Variants in PIGX observed in about 807,000 individuals in gnomAD.
The protein encoded by PIGX is GPI alpha-1,4-mannosyltransferase I, stabilizing subunit.
A neutral mutation model predicts 28.7 loss-of-function variants in PIGX; 24 were observed. The observed-to-expected ratio is 0.84, with a 90% confidence interval of 0.60 to 1.17. The LOEUF (loss-of-function observed/expected upper bound fraction) is 1.17. Among genes scored for constraint, PIGX ranks in the 50% most tolerant of loss-of-function variants. The probability of loss-of-function intolerance (pLI) is 0.00; values close to 1 mark genes in which losing one functional copy is unlikely to be tolerated. For missense variants in PIGX, 305 were observed against 317.8 expected (o/e 0.96, Z 0.31); for synonymous variants, 127 against 121.0 (o/e 1.05, Z -0.33).
At chr3:196,720,105 T>C (rs1331050904) in intron 2 of PIGX, among the ~76,000 whole-genome samples, 1 of 152,218 alleles carries the variant, frequency 6.6e-6, no homozygotes, top group African/African-American at 2.4e-5. Context: ...AAGTGTGCAA[T>C]TCAGTGGCAT....
At chr3:196,723,898 G>A (rs527608201) in intron 3 of PIGX, among the ~76,000 whole-genome samples, 4 of 151,880 alleles carry the variant, frequency 2.6e-5, no homozygotes, top group South Asian at 2.1e-4. Context: ...AAAAAGGTAT[G>A]CAATGATAAC....
Position 196,727,991 on chromosome 3 carries a change from C to T in PIGX, c.387C>T (p.Leu129=), listed in dbSNP as rs777754825. Residue 129 remains leucine, a synonymous_variant, in exon 4 of 6, where the codon CTC becomes CTT. Transcript: ENST00000392391. The stretch of plus-strand genomic sequence containing the variant: ...ATTTGTCCAAGGAGTCTGAAGTTCT[C>T]ATTTATGCCAGACGAGATTCACAGT... The T allele has an allele frequency of 1.9e-6, 3 of 1,614,002 alleles. No individual in the cohort carries two copies. Among genetic ancestry groups the T allele is most frequent in the African/African-American group, 1.3e-5 (1 of 74,916 alleles).
rs141069297 is a variant in PIGX at position 196,730,375 on chromosome 3, T to A, written c.533-617T>A. 2.4e-3 allele frequency among the ~76,000 whole-genome samples: 373 copies of A among 152,286 alleles called. 2 individuals are homozygous for A. The highest frequency in any genetic ancestry group is 8.5e-3 in the African/African-American group (355 of 41,562). ...GTTTTGCACTTACGATATGTTCACT[T>A]TTCTGAGTGATGCTTCAAAAATAAG... On this transcript the variant is annotated intron_variant, in intron 4 of 5. Coordinates refer to ENST00000392391, the MANE Select transcript of PIGX (RefSeq NM_017861.4).
chr3:196,724,331 T>G (rs1712441708), intron 3 of PIGX, among the ~76,000 whole-genome samples: 1 of 152,192 alleles, frequency 6.6e-6, no homozygotes, highest in African/African-American at 2.4e-5. Flanking sequence ...TTTCTTTTCT[T>G]CAATGAATTA....
chr3:196,732,253 TA>T lies in PIGX; in HGVS notation c.633+1162del, dbSNP rs1474711343. On this transcript the variant is annotated intron_variant, in intron 5 of 5. Coordinates refer to ENST00000392391, the MANE Select transcript of PIGX (RefSeq NM_017861.4). ...ATATATATATATATATATATATATA[TA>T]TATTTTATTTTATTTTATTTTTTTT... Among the ~76,000 whole-genome samples the T allele has an allele frequency of 2.6e-3, 83 of 32,250 alleles. 3 individuals are homozygous for T. The highest frequency in any genetic ancestry group is 0.01 in the African/African-American group (65 of 6,296). The allele number at this position is 32,250 out of a possible 152,430, so 21.2% of individuals were successfully genotyped here.
At chr3:196,723,622 T>TC (rs1712409631) in intron 3 of PIGX, among the ~76,000 whole-genome samples, 1 of 151,550 alleles carries the variant, frequency 6.6e-6, no homozygotes, top group South Asian at 2.1e-4. Flanking sequence ...ATTTCTTTTT[T>TC]TTTTTTTTTT....
At chr3:196,726,139 A>C (rs1712513426) in intron 3 of PIGX, among the ~76,000 whole-genome samples, 1 of 152,106 alleles carries the variant, frequency 6.6e-6, no homozygotes, top group South Asian at 2.1e-4. Context: ...AAAATACAAA[A>C]AATTAGCCAG....
intron 5 of PIGX, among the ~76,000 whole-genome samples, chr3:196,732,301 A>G (rs1177739309): frequency 1.2e-5 from 1 of 80,628 alleles, no homozygotes; most frequent in East Asian, 4.1e-4. Context: ...TTTTTTTTTG[A>G]GACGGAGTCT....
intron 3 of PIGX, among the ~76,000 whole-genome samples, chr3:196,724,672 A>T (rs1278901945): frequency 1.3e-5 from 2 of 152,116 alleles, no homozygotes; most frequent in African/African-American, 4.8e-5. Context: ...TTGTAAGTGT[A>T]TTTACTTCTT....
chr3:196,718,335 A>T (rs1408945229), intron 2 of PIGX, among the ~76,000 whole-genome samples: 2 of 151,978 alleles, frequency 1.3e-5, no homozygotes, highest in East Asian at 3.9e-4. Context: ...AAGGGGGGGA[A>T]GGGTATAGTT....
chr3:196,733,997 G>A lies in PIGX; in HGVS notation c.*95G>A. On this transcript the variant is annotated 3_prime_UTR_variant, in exon 6 of 6. Coordinates refer to ENST00000392391, the MANE Select transcript of PIGX (RefSeq NM_017861.4). This position sits in a 1 kb window ranked among gnomAD's most constrained non-coding sequence, Gnocchi z 4.3. ...CTAGAATTAATTACTTTTATCTTTT[G>A]TCTTCATTTGTGGCCAAAATTATGT... 2 of 843,796 alleles carry A rather than the reference G, an allele frequency of 2.4e-6. No homozygotes were observed. Among genetic ancestry groups the A allele is most frequent in the East Asian group, 2.5e-5 (1 of 40,320 alleles). The allele number at this position is 843,796 out of a possible 1,614,324, so 52.3% of individuals were successfully genotyped here.
rs1712117947 is a variant in PIGX at position 196,716,870 on chromosome 3, T to C, written c.125T>C (p.Met42Thr). Reference sequence around the variant, plus strand: ...TTGGTTCTTATAGGCATAAGGGCCATGTGTTCTGAAATTATTTTGAGGCAA... The same window carrying C: ...TTGGTTCTTATAGGCATAAGGGCCACGTGTTCTGAAATTATTTTGAGGCAA... Residue 42 changes from methionine to threonine, a missense_variant, in exon 2 of 6, where the codon ATG becomes ACG. Met to Thr is a moderately conservative substitution (Grantham distance 81). Coordinates refer to ENST00000392391, the MANE Select transcript of PIGX (RefSeq NM_017861.4). 6.2e-7 allele frequency: 1 copy of C among 1,603,386 alleles called. No individual in the cohort carries two copies. Among genetic ancestry groups the C allele is most frequent in the Non-Finnish European group, 8.5e-7 (1 of 1,170,952 alleles).
At chr3:196,729,232 C>T (rs913587729) in intron 4 of PIGX, among the ~76,000 whole-genome samples, 6 of 151,718 alleles carry the variant, frequency 4.0e-5, no homozygotes, top group African/African-American at 1.2e-4. Context: ...ACTTGGGAGG[C>T]GGAGGCAGGA....
chr3:196,727,977 G>A lies in PIGX; in HGVS notation c.373G>A (p.Glu125Lys), dbSNP rs762612146. The A allele has an allele frequency of 6.2e-6, 10 of 1,613,946 alleles. No homozygotes were observed. Among genetic ancestry groups the A allele is most frequent in the Non-Finnish European group, 7.6e-6 (9 of 1,179,966 alleles). The change falls in exon 4 of 6, where the codon GAG becomes AAG. Residue 125 changes from glutamate (E) to lysine (K), a missense_variant. Glu to Lys is a moderately conservative substitution (Grantham distance 56, BLOSUM62 1). Transcript: ENST00000392391. Reference sequence around the variant, plus strand: ...AGAGGCCCCTAACTATTTGTCCAAGGAGTCTGAAGTTCTCATTTATGCCAG... The same window carrying A: ...AGAGGCCCCTAACTATTTGTCCAAGAAGTCTGAAGTTCTCATTTATGCCAG...
intron 1 of PIGX, among the ~76,000 whole-genome samples, chr3:196,714,747 A>C (rs1307831959): frequency 6.6e-6 from 1 of 152,134 alleles, no homozygotes; most frequent in Non-Finnish European, 1.5e-5. Flanking sequence ...GGCATGAGTC[A>C]CTGCACCCAG....
In PIGX at chr3:196,734,279, A is replaced by G. The variant is rs1712926846; in HGVS notation, c.*377A>G. 5.8e-6 allele frequency: 1 copy of G among 173,500 alleles called. No individual in the cohort carries two copies. The highest frequency in any genetic ancestry group is 1.3e-4 in the South Asian group (1 of 7,782). 10.7% of individuals were successfully genotyped at this position (173,500 alleles called of 1,614,324 possible). ...CAAATTGAGAAAACCGTTATAAATA[A>G]GAATAAAATAGGCCAGGCACAGTGG... On this transcript the variant is annotated 3_prime_UTR_variant, in exon 6 of 6. Transcript: ENST00000392391.
chr3:196,714,955 A>G (rs1000541827), intron 1 of PIGX, among the ~76,000 whole-genome samples: 1 of 152,152 alleles, frequency 6.6e-6, no homozygotes, highest in Non-Finnish European at 1.5e-5. Context: ...GCGTGCCTGT[A>G]GTCCCAGCTA....
chr3:196,726,126 C>T (rs934403484), intron 3 of PIGX, among the ~76,000 whole-genome samples: 1 of 152,040 alleles, frequency 6.6e-6, no homozygotes, highest in African/African-American at 2.4e-5. Context: ...ATCATCTCTA[C>T]TAAAAATACA....
At chr3:196,727,152 T>C (rs1340362089) in intron 3 of PIGX, among the ~76,000 whole-genome samples, 1 of 152,178 alleles carries the variant, frequency 6.6e-6, no homozygotes, top group Non-Finnish European at 1.5e-5. Context: ...GTTGTGCGTG[T>C]GTGTACATCC....
Sources: allele counts gnomAD v4.1 joint callset (sites outside exome capture counted in the v4.1 genomes callset), GRCh38; gene constraint gnomAD v4.1.1; non-coding constraint Gnocchi (gnomAD v3.1); transcripts MANE v1.5; gene names NCBI Gene and HGNC (gene_info 2026-07-23, HGNC 2026-07-21).